Variants in RNF150 observed in about 807,000 individuals in gnomAD.
RNF150 encodes the protein ring finger protein 150.
Under a neutral mutation model 39.3 loss-of-function variants are expected in RNF150, and 24 were observed. That is an observed-to-expected ratio of 0.61 (90% CI 0.44 to 0.86). RNF150 has a LOEUF of 0.86. Among genes scored for constraint, RNF150 ranks in the 40% least tolerant of loss-of-function variants. The pLI is 0.00. For missense variants in RNF150, 502 were observed against 587.8 expected, an observed-to-expected ratio of 0.85 and a Z score of 1.51; for synonymous variants, 255 against 227.3, an observed-to-expected ratio of 1.12 and a Z score of -1.10.
At chr4:141,006,796 A>G (rs1194498110) in intron 1 of RNF150, among the ~76,000 whole-genome samples, 3 of 152,196 alleles carry the variant, frequency 2.0e-5, no homozygotes, top group African/African-American at 7.2e-5. Context: ...AGTTCTCTTA[A>G]ATCCATATAT....
intron 1 of RNF150, among the ~76,000 whole-genome samples, chr4:141,117,882 T>C (rs1354275807): frequency 1.3e-5 from 2 of 152,212 alleles, no homozygotes; most frequent in African/African-American, 4.8e-5. Context: ...ATGAATTTAA[T>C]AAATAAGTCT....
chr4:140,904,540 A>G (rs966723426), intron 6 of RNF150, among the ~76,000 whole-genome samples: 8 of 152,186 alleles, frequency 5.3e-5, no homozygotes, highest in Non-Finnish European at 1.2e-4. Flanking sequence ...AGACATGGCT[A>G]CTCACTCTTG....
chr4:141,059,342 T>C (rs1023359455), intron 1 of RNF150, among the ~76,000 whole-genome samples: 3 of 152,184 alleles, frequency 2.0e-5, no homozygotes, highest in African/African-American at 7.2e-5. Context: ...TTTTGCATCA[T>C]ATCCACAGTC....
intron 1 of RNF150, among the ~76,000 whole-genome samples, chr4:141,186,560 G>A (rs539451444): frequency 1.5e-4 from 21 of 140,776 alleles, no homozygotes; most frequent in African/African-American, 4.6e-4. Flanking sequence ...CACCATGCCC[G>A]GCTATTTTTT....
At chr4:141,093,378 A>AAG (rs1491202517) in intron 1 of RNF150, among the ~76,000 whole-genome samples, 7 of 143,402 alleles carry the variant, frequency 4.9e-5, no homozygotes, top group Non-Finnish European at 9.1e-5. Flanking sequence ...AAAAAAAAAA[A>AAG]GGGGGGGGAA....
intron 6 of RNF150, among the ~76,000 whole-genome samples, chr4:140,897,037 A>G (rs1296651511): frequency 1.3e-5 from 2 of 152,158 alleles, no homozygotes; most frequent in Non-Finnish European, 2.9e-5. Context: ...CAGGGCTGTA[A>G]GGATCCAGTG....
At chr4:141,017,756 C>T (rs574504593) in intron 1 of RNF150, among the ~76,000 whole-genome samples, 10 of 152,282 alleles carry the variant, frequency 6.6e-5, no homozygotes, top group African/African-American at 2.2e-4. Context: ...TGTATGTAAT[C>T]TTTTCATATT....
At chr4:141,057,712 T>C (rs549969158) in intron 1 of RNF150, among the ~76,000 whole-genome samples, 2 of 152,266 alleles carry the variant, frequency 1.3e-5, no homozygotes, top group South Asian at 4.1e-4. Flanking sequence ...GCATCAGCTG[T>C]CTCTTTGCTG....
At chr4:141,000,399 T>A (rs1244853420) in intron 1 of RNF150, among the ~76,000 whole-genome samples, 1 of 152,222 alleles carries the variant, frequency 6.6e-6, no homozygotes, top group Non-Finnish European at 1.5e-5. Context: ...GTAAAGTTTT[T>A]AATCTTGGAA....
rs1730588080 is a variant in RNF150 at position 140,911,225 on chromosome 4, C to G, written c.1117G>C (p.Val373Leu). ...ACCTGCAAGGCTCCCACAGTCCGGACAGCAGGGTCCAAAGTGACTGAACTT... is the reference window on the plus strand; with the variant it reads ...ACCTGCAAGGCTCCCACAGTCCGGAGAGCAGGGTCCAAAGTGACTGAACTT... ...NESSVTLDPA[V>L]RTVGALQVVQ... Residue 373 changes from valine (V) to leucine (L), a missense_variant, in exon 6 of 7, where the codon GTC becomes CTC. By Grantham distance (32) the Val-to-Leu change is conservative. Transcript: ENST00000515673. The G allele has an allele frequency of 1.2e-6, 2 of 1,614,046 alleles. No homozygotes were observed. The highest frequency in any genetic ancestry group is 1.3e-5 in the African/African-American group (1 of 74,918).
At chr4:140,997,739 C>T (rs1734435228) in intron 1 of RNF150, among the ~76,000 whole-genome samples, 1 of 151,842 alleles carries the variant, frequency 6.6e-6, no homozygotes, top group Non-Finnish European at 1.5e-5. Flanking sequence ...AAGATACTAG[C>T]TGCATATGCA....
intron 1 of RNF150, among the ~76,000 whole-genome samples, chr4:141,072,857 CA>C (rs1371884782): frequency 6.6e-6 from 1 of 151,780 alleles, no homozygotes; most frequent in Non-Finnish European, 1.5e-5. Flanking sequence ...AGTCTCAAAA[CA>C]AAAAAGGCTT....
At chr4:141,058,076 T>C (rs1026643558) in intron 1 of RNF150, among the ~76,000 whole-genome samples, 5 of 152,132 alleles carry the variant, frequency 3.3e-5, no homozygotes, top group African/African-American at 9.7e-5. Flanking sequence ...AAAATGCATA[T>C]ACACAATTTT....
intron 6 of RNF150, 67 bp downstream of exon 6, chr4:140,911,077 T>A: frequency 7.6e-7 from 1 of 1,315,904 alleles, no homozygotes; most frequent in East Asian, 2.3e-5. Context: ...AGGAAAGGTA[T>A]TTTTTTCCAA....
chr4:140,995,877 T>C (rs1402384670), intron 1 of RNF150, among the ~76,000 whole-genome samples: 1 of 152,204 alleles, frequency 6.6e-6, no homozygotes, highest in Non-Finnish European at 1.5e-5. Flanking sequence ...CATTTGTTTG[T>C]TGATGAACAC....
chr4:140,919,270 T>A (rs1055760357), intron 5 of RNF150, among the ~76,000 whole-genome samples: 25 of 140,174 alleles, frequency 1.8e-4, no homozygotes, highest in African/African-American at 5.8e-4. Context: ...ATGACATGAT[T>A]GTATATCTAG....
At chr4:140,884,517 G>C (rs1294473882) in intron 6 of RNF150, among the ~76,000 whole-genome samples, 1 of 152,104 alleles carries the variant, frequency 6.6e-6, no homozygotes, top group Non-Finnish European at 1.5e-5. Flanking sequence ...GTGCTTTCTG[G>C]GTTTTTGTAT....
chr4:141,206,940 G>A (rs1481676043), intron 1 of RNF150, among the ~76,000 whole-genome samples: 1 of 151,912 alleles, frequency 6.6e-6, no homozygotes, highest in African/African-American at 2.4e-5. Flanking sequence ...CCCAAAGGTG[G>A]AAGAACCTGG....
At chr4:140,945,563 ATACATATATACATATATATAC>A (rs1732264581) in intron 4 of RNF150, among the ~76,000 whole-genome samples, 1 of 146,756 alleles carries the variant, frequency 6.8e-6, no homozygotes, top group Non-Finnish European at 1.5e-5. Flanking sequence ...ACATATATAT[ATACATATATACATATATATAC>A]TACATATATA....
Sources: allele counts gnomAD v4.1 joint callset (sites outside exome capture counted in the v4.1 genomes callset), GRCh38; gene constraint gnomAD v4.1.1; transcripts MANE v1.5; gene names NCBI Gene and HGNC (gene_info 2026-07-23, HGNC 2026-07-21).